Variants in DIAPH3 observed in about 807,000 individuals in gnomAD.
DIAPH3 encodes protein diaphanous homolog 3.
In DIAPH3, 117 loss-of-function variants were observed where a neutral mutation model predicts 144.3. The observed-to-expected ratio is 0.81, with a 90% CI of 0.70 to 0.95. The LOEUF (loss-of-function observed/expected upper bound fraction) is 0.95, where lower values mean the gene tolerates loss of function less well. Ranked by LOEUF, DIAPH3 falls within the 40% of genes least tolerant of loss-of-function variation. The probability of loss-of-function intolerance (pLI) is 0.00; values close to 1 mark genes in which losing one functional copy is unlikely to be tolerated. For synonymous variants in DIAPH3, 519 were observed against 488.9 expected, an observed-to-expected ratio of 1.06 and a Z score of -0.81; for missense variants, 1,421 against 1,412.7, an observed-to-expected ratio of 1.01 and a Z score of -0.09.
At chr13:59,848,349 G>A (rs2139833820) in intron 22 of DIAPH3, among the ~76,000 whole-genome samples, 1 of 128,166 alleles carries the variant, frequency 7.8e-6, no homozygotes, top group South Asian at 2.4e-4. Flanking sequence ...AAGTTTTAGG[G>A]TACATGTGCA....
intron 3 of DIAPH3, among the ~76,000 whole-genome samples, chr13:60,100,574 G>A (rs2058240081): frequency 6.6e-6 from 1 of 152,078 alleles, no homozygotes; most frequent in Admixed American, 6.6e-5. Context: ...TTTAATAATT[G>A]TACTAATGTT....
At chr13:59,827,688 A>T (rs2041523713) in intron 24 of DIAPH3, among the ~76,000 whole-genome samples, 2 of 152,062 alleles carry the variant, frequency 1.3e-5, no homozygotes. Flanking sequence ...CACCTGGATA[A>T]CAGAGCATTA....
intron 27 of DIAPH3, among the ~76,000 whole-genome samples, chr13:59,708,250 A>G (rs1396332782): frequency 6.6e-6 from 1 of 151,942 alleles, no homozygotes. Context: ...AACGTTTTAG[A>G]GATGGAGTCT....
At chr13:60,000,751 T>C (rs1435393363) in intron 9 of DIAPH3, among the ~76,000 whole-genome samples, 1 of 152,216 alleles carries the variant, frequency 6.6e-6, no homozygotes, top group Non-Finnish European at 1.5e-5. Context: ...TTATTTGCTC[T>C]CTGACATAAT....
intron 4 of DIAPH3, among the ~76,000 whole-genome samples, chr13:60,059,956 T>C (rs1347484200): frequency 1.3e-5 from 2 of 152,074 alleles, no homozygotes; most frequent in Admixed American, 1.3e-4. Context: ...GTCTTTAAAA[T>C]TAGGCAATTT....
chr13:60,109,713 G>T (rs754536012), intron 3 of DIAPH3, among the ~76,000 whole-genome samples: 10 of 152,126 alleles, frequency 6.6e-5, no homozygotes, highest in Non-Finnish European at 1.5e-4. Context: ...TGATTTAAAG[G>T]TGCAACAGCT....
At chr13:59,793,141 C>A (rs983984636) in intron 25 of DIAPH3, among the ~76,000 whole-genome samples, 3 of 152,192 alleles carry the variant, frequency 2.0e-5, no homozygotes, top group Non-Finnish European at 4.4e-5. Flanking sequence ...ACAAATGTAT[C>A]TGCACTTAGG....
chr13:60,103,359 C>A (rs7982397), intron 3 of DIAPH3, among the ~76,000 whole-genome samples: 1 of 151,834 alleles, frequency 6.6e-6, no homozygotes, highest in Non-Finnish European at 1.5e-5. Flanking sequence ...TCAAGTTGAG[C>A]GGGACAGTTA....
chr13:60,049,081 C>A (rs2056215972), intron 4 of DIAPH3, among the ~76,000 whole-genome samples: 1 of 152,080 alleles, frequency 6.6e-6, no homozygotes, highest in Non-Finnish European at 1.5e-5. Flanking sequence ...TACTATGCAG[C>A]AATAAAAAGA....
rs748485288 is a variant in DIAPH3, at chr13:59,833,100, A to G, written c.3027+7T>C. On this transcript the variant is annotated splice_region_variant and intron_variant, in intron 24 of 27. Transcript: ENST00000400324. ...AAACTTTTTAAAAAACAATTTTTTT[A>G]CCATACCATGAATGTGGTTCTGAAG... 8.7e-6 allele frequency: 14 copies of G among 1,605,542 alleles called. No homozygotes were observed. The South Asian group carries it at 1.3e-4, about 15-fold the overall frequency.
In DIAPH3 at chr13:59,970,964, AGG is replaced by A; in HGVS notation, c.1845_1846del (p.Leu616GlyfsTer25). Reference sequence around the variant, plus strand: ...AGAATTTTGTCCTCCAAGGAATCCCAGGGGAGGTGGTGGAGGCACAGGACCAC... The same window carrying A: ...AGAATTTTGTCCTCCAAGGAATCCCAGGAGGTGGTGGAGGCACAGGACCAC... On this transcript the variant is annotated frameshift_variant, in exon 16 of 28. Transcript: ENST00000400324. LOFTEE classifies it high-confidence loss of function. 1 of 1,611,020 alleles carries A rather than the reference AGG, an allele frequency of 6.2e-7. No homozygotes were observed. Among genetic ancestry groups the A allele is most frequent in the Non-Finnish European group, 8.5e-7 (1 of 1,178,322 alleles).
intron 4 of DIAPH3, among the ~76,000 whole-genome samples, chr13:60,085,763 T>C (rs1173479799): frequency 6.6e-6 from 1 of 152,138 alleles, no homozygotes; most frequent in East Asian, 1.9e-4. Context: ...TTTATATTTG[T>C]ATATACAGAT....
At chr13:60,042,624 A>G (rs2055763501) in intron 5 of DIAPH3, 66 bp downstream of exon 5, 2 of 1,600,810 alleles carry the variant, frequency 1.2e-6, no homozygotes, top group Non-Finnish European at 1.7e-6. Flanking sequence ...AAAATGAAAA[A>G]AAGTATTAAA....
intron 14 of DIAPH3, 70 bp downstream of exon 14, chr13:59,980,725 T>C: frequency 7.3e-7 from 1 of 1,375,868 alleles, no homozygotes; most frequent in Non-Finnish European, 1.0e-6. Context: ...AACAAGCAAA[T>C]TCCCTGAGGC....
chr13:59,806,019 G>GA (rs1566337353), intron 25 of DIAPH3, among the ~76,000 whole-genome samples: 1 of 152,018 alleles, frequency 6.6e-6, no homozygotes, highest in East Asian at 1.9e-4. Flanking sequence ...CTACACCTGT[G>GA]AAAAAATTCA....
chr13:59,675,224 C>T (rs1479653940), intron 27 of DIAPH3, among the ~76,000 whole-genome samples: 1 of 152,040 alleles, frequency 6.6e-6, no homozygotes, highest in Non-Finnish European at 1.5e-5. Context: ...TATCACCATG[C>T]CTGGCTAACT....
chr13:59,913,544 A>T (rs1430979341), intron 19 of DIAPH3, among the ~76,000 whole-genome samples: 1 of 152,146 alleles, frequency 6.6e-6, no homozygotes, highest in Non-Finnish European at 1.5e-5. Context: ...CTCCCTCAAC[A>T]TATTCTATAG....
At chr13:59,917,462 T>A (rs2047276573) in intron 18 of DIAPH3, among the ~76,000 whole-genome samples, 1 of 152,200 alleles carries the variant, frequency 6.6e-6, no homozygotes, top group African/African-American at 2.4e-5. Context: ...GGGCATCATC[T>A]GTATTCATAT....
chr13:59,757,392 CTTTTTTTTTTTTT>C (rs558678599), intron 27 of DIAPH3, among the ~76,000 whole-genome samples: 2 of 93,046 alleles, frequency 2.1e-5, no homozygotes, highest in East Asian at 3.0e-4. Flanking sequence ...ATGGGTCATC[CTTTTTTTTTTTTT>C]TTTTTTTTTT....
Sources: allele counts gnomAD v4.1 joint callset (sites outside exome capture counted in the v4.1 genomes callset), GRCh38; gene constraint gnomAD v4.1.1; transcripts MANE v1.5; gene names NCBI Gene and HGNC (gene_info 2026-07-23, HGNC 2026-07-21).